Variants in ITGB2 observed in about 807,000 individuals in gnomAD.
ITGB2 encodes integrin beta-2.
ITGB2 carries 56 observed loss-of-function variants against 86.8 expected under a neutral mutation model. The observed-to-expected ratio is 0.65, with a 90% confidence interval of 0.52 to 0.81. ITGB2 has a LOEUF of 0.81. ITGB2 is among the 30% of genes least tolerant of loss of function. The pLI is 0.00. For synonymous variants in ITGB2, 457 were observed against 450.4 expected (o/e 1.01, Z -0.19); for missense variants, 948 against 1,061.2 (o/e 0.89, Z 1.48).
Position 44,899,061 on chromosome 21 carries a change from A to G in ITGB2, c.993+6T>C. 2 of 1,609,740 alleles carry G rather than the reference A, an allele frequency of 1.2e-6. No homozygotes were observed. The highest frequency in any genetic ancestry group is 1.7e-6 in the Non-Finnish European group (2 of 1,176,114). ...CAATGGATGCTCGGGACCCAACAGC[A>G]CTCACCTCGTAGGTCTTCACCATCC... On this transcript the variant is annotated splice_donor_region_variant and intron_variant, in intron 8 of 15. Transcript: ENST00000652462.
chr21:44,893,735 G>A (rs770659942), intron 9 of ITGB2, 191 bp from the exon 10 acceptor site: 14 of 682,990 alleles, frequency 2.0e-5, no homozygotes, highest in South Asian at 1.6e-4. Flanking sequence ...TCCTGCCCTC[G>A]AGACAGCCTG....
chr21:44,914,264 C>G (rs1040271985), intron 1 of ITGB2: 4 of 152,476 alleles, frequency 2.6e-5, no homozygotes, highest in Admixed American at 2.0e-4. Context: ...CTCTCAGAAC[C>G]TTGCATCAGA....
intron 14 of ITGB2, among the ~76,000 whole-genome samples, chr21:44,887,199 G>A (rs892650982): frequency 6.6e-5 from 10 of 152,152 alleles, no homozygotes; most frequent in Non-Finnish European, 1.2e-4. Context: ...TGCTAATACT[G>A]GGGGGTAGGA....
intron 1 of ITGB2, among the ~76,000 whole-genome samples, chr21:44,916,437 G>T (rs142869795): frequency 2.2e-4 from 33 of 152,268 alleles, no homozygotes; most frequent in Middle Eastern, 3.4e-3. Context: ...GGGTGGCGAC[G>T]TGAGGCCGAG....
chr21:44,903,751 G>A (rs1012822405), intron 4 of ITGB2, among the ~76,000 whole-genome samples: 5 of 152,244 alleles, frequency 3.3e-5, no homozygotes, highest in South Asian at 2.1e-4. Context: ...ACTCCCGGAC[G>A]CAGGCATGTG....
At chr21:44,925,033 G>A (rs1205883437), upstream of ITGB2, among the ~76,000 whole-genome samples, 1 of 152,120 alleles carries the variant, frequency 6.6e-6, no homozygotes, top group Admixed American at 6.5e-5. Context: ...AAAGTTCTGG[G>A]CAAGTCAGGC....
chr21:44,894,030 G>C, intron 9 of ITGB2: 1 of 259,646 alleles, frequency 3.9e-6, no homozygotes, highest in Non-Finnish European at 7.8e-6. Flanking sequence ...GAGAAAGAGA[G>C]ACAAAGACTG....
At chr21:44,910,693 G>T in intron 2 of ITGB2, 32 bp downstream of exon 2, 1 of 1,608,624 alleles carries the variant, frequency 6.2e-7, no homozygotes, top group Non-Finnish European at 8.5e-7. Flanking sequence ...AATGTCACGC[G>T]TGGAGTCCCC....
In ITGB2 at chr21:44,910,412, C is replaced by T. The variant is rs370658074; in HGVS notation, c.59-40G>A. On this transcript the variant is annotated intron_variant, in intron 2 of 15. Coordinates refer to ENST00000652462, the MANE Select transcript of ITGB2 (RefSeq NM_000211.5). ...CGGCTGGTGAGTGGGTGCTCTGGGC[C>T]GCCCTGCCCACACCCAAGGGGGAGT... is the stretch of plus-strand genomic sequence containing the variant. The T allele has an allele frequency of 7.4e-6, 12 of 1,613,440 alleles. 1 individual carries two copies. The highest frequency in any genetic ancestry group is 3.3e-5 in the South Asian group (3 of 91,036).
At chr21:44,894,497 G>GTC in intron 9 of ITGB2, 1 of 238,966 alleles carries the variant, frequency 4.2e-6, no homozygotes, top group Non-Finnish European at 8.4e-6. Context: ...CAGCTCGATG[G>GTC]GCCGTGCACC....
At chr21:44,919,062 G>A (rs979595124) in intron 1 of ITGB2, among the ~76,000 whole-genome samples, 4 of 67,868 alleles carry the variant, frequency 5.9e-5, no homozygotes, top group African/African-American at 4.0e-4. Context: ...GCTGGGAGTG[G>A]AAACTCATAC....
chr21:44,898,922 C>T (rs1422786561), intron 8 of ITGB2, 145 bp downstream of exon 8: 2 of 732,806 alleles, frequency 2.7e-6, no homozygotes, highest in African/African-American at 1.7e-5. Context: ...GGCTCCTCAC[C>T]TAGGGGGATC....
At chr21:44,896,225 T>TTTCCACCACACAGGTAGGGAATTCC (rs2083869076) in intron 8 of ITGB2, among the ~76,000 whole-genome samples, 1 of 152,238 alleles carries the variant, frequency 6.6e-6, no homozygotes, top group African/African-American at 2.4e-5. Flanking sequence ...TTGGCCAGAA[T>TTTCCACCACACAGGTAGGGAATTCC]TTCCACCACA....
At position 44,888,916 on chromosome 21, in the gene ITGB2, G is replaced by A. The variant is rs1312795003; in HGVS notation, c.1878-21C>T. 3 of 1,598,898 alleles carry A rather than the reference G, an allele frequency of 1.9e-6. No individual in the cohort carries two copies. In the South Asian group the frequency reaches 3.3e-5, roughly 18 times the overall value. On this transcript the variant is annotated intron_variant, in intron 13 of 15. Transcript: ENST00000652462. ...AGGAGCTGCGGGGAGCCAGGTGTGA[G>A]CATCGGTGCCAGGGTGTGCGGGGGC...
intron 13 of ITGB2, 48 bp downstream of exon 13, chr21:44,889,225 GGCC>G: frequency 6.4e-7 from 1 of 1,563,832 alleles, no homozygotes. Flanking sequence ...CTGGGTAGGT[GGCC>G]GGGGAGTGGG....
In ITGB2 at chr21:44,910,405, T is replaced by C. The variant is rs769024461; in HGVS notation, c.59-33A>G. On this transcript the variant is annotated intron_variant, in intron 2 of 15. Transcript: ENST00000652462. ...ACGAGGCCGGCTGGTGAGTGGGTGC[T>C]CTGGGCCGCCCTGCCCACACCCAAG... 1.7e-5 allele frequency: 27 copies of C among 1,613,606 alleles called. No individual in the cohort carries two copies. The South Asian group carries it at 2.9e-4, about 17-fold the overall frequency.
intron 2 of ITGB2, 149 bp from the exon 3 acceptor site, chr21:44,910,521 G>A (rs2084114753): frequency 6.7e-7 from 1 of 1,501,696 alleles, no homozygotes; most frequent in Non-Finnish European, 9.1e-7. Flanking sequence ...ACCCCCAGGT[G>A]CAAAGAGGGG....
chr21:44,910,702 C>T (rs375601795), intron 2 of ITGB2, 23 bp downstream of exon 2: 1 of 1,612,560 alleles, frequency 6.2e-7, no homozygotes, highest in Non-Finnish European at 8.5e-7. Context: ...CGTGGAGTCC[C>T]CTCCGTGGAA....
rs772666841 is a variant in ITGB2 at position 44,901,493 on chromosome 21, G to C, written c.740C>G (p.Pro247Arg). The change falls in exon 6 of 16, where the codon CCG becomes CGG. Residue 247 changes from proline to arginine, a missense_variant and splice_region_variant. Coordinates refer to ENST00000652462, the MANE Select transcript of ITGB2 (RefSeq NM_000211.5). The part of the protein sequence containing the change: ...LDAMMQVAAC[P>R]EEIGWRNVTR... ...CCCAAGCAGGGGCAGCGGCCTCACC[G>C]GGCAGGCGGCGACCTGCATCATGGC... The C allele has an allele frequency of 1.9e-6, 3 of 1,613,968 alleles. No homozygotes were observed. The highest frequency in any genetic ancestry group is 2.5e-6 in the Non-Finnish European group (3 of 1,179,944).
Sources: allele counts gnomAD v4.1 joint callset (sites outside exome capture counted in the v4.1 genomes callset), GRCh38; gene constraint gnomAD v4.1.1; transcripts MANE v1.5; gene names NCBI Gene and HGNC (gene_info 2026-07-23, HGNC 2026-07-21).